RALYL: variants seen among roughly 807,000 people sequenced by gnomAD.
RALYL encodes the protein RNA-binding Raly-like protein.
A neutral mutation model predicts 35.1 loss-of-function variants in RALYL; 29 were observed. The observed-to-expected ratio is 0.83, with a 90% CI of 0.61 to 1.13. The LOEUF (loss-of-function observed/expected upper bound fraction) is 1.13, where lower values mean the gene tolerates loss of function less well. RALYL is among the 50% of genes most tolerant of loss of function. RALYL has a pLI of 0.00. For missense variants in RALYL, 359 were observed against 360.4 expected, an observed-to-expected ratio of 1.00 and a Z score of 0.03; for synonymous variants, 120 against 127.6, an observed-to-expected ratio of 0.94 and a Z score of 0.40.
intron 3 of RALYL, among the ~76,000 whole-genome samples, chr8:84,784,697 G>C (rs981367552): frequency 3.9e-5 from 6 of 151,958 alleles, no homozygotes; most frequent in African/African-American, 1.5e-4. Flanking sequence ...TAAACTGTTT[G>C]GTGTCTTTGT....
At chr8:84,682,059 G>A (rs1286363502) in intron 2 of RALYL, among the ~76,000 whole-genome samples, 2 of 152,078 alleles carry the variant, frequency 1.3e-5, no homozygotes, top group Admixed American at 6.6e-5. Flanking sequence ...AGGGCTGTTG[G>A]ATTTTGTCAA....
chr8:84,222,648 T>C (rs1484086822), intron 1 of RALYL, among the ~76,000 whole-genome samples: 6 of 152,150 alleles, frequency 3.9e-5, no homozygotes, highest in Middle Eastern at 3.2e-3. Context: ...CACTATTCTA[T>C]GGGATTAGGA....
intron 2 of RALYL, among the ~76,000 whole-genome samples, chr8:84,684,924 C>A (rs1836434772): frequency 6.6e-6 from 1 of 152,120 alleles, no homozygotes; most frequent in African/African-American, 2.4e-5. Flanking sequence ...CATCCAGGGG[C>A]TGGCAAAGCA....
At chr8:84,303,617 G>C (rs181855298) in intron 1 of RALYL, among the ~76,000 whole-genome samples, 2 of 152,184 alleles carry the variant, frequency 1.3e-5, no homozygotes, top group Admixed American at 6.5e-5. Flanking sequence ...ATTTAAAACA[G>C]AAATGTGTGA....
intron 4 of RALYL, among the ~76,000 whole-genome samples, chr8:84,826,940 T>G (rs1441846084): frequency 6.6e-6 from 1 of 152,048 alleles, no homozygotes; most frequent in Admixed American, 6.5e-5. Context: ...AGGGGAAATA[T>G]AGAGAGTACA....
At chr8:84,220,017 C>G (rs1821806183) in intron 1 of RALYL, among the ~76,000 whole-genome samples, 1 of 151,946 alleles carries the variant, frequency 6.6e-6, no homozygotes, top group East Asian at 1.9e-4. Flanking sequence ...TGCCTGATGT[C>G]CCTAATTTAG....
intron 1 of RALYL, among the ~76,000 whole-genome samples, chr8:84,466,813 T>A (rs2051745985): frequency 6.6e-6 from 1 of 151,688 alleles, no homozygotes; most frequent in Non-Finnish European, 1.5e-5. Context: ...ATTGCCACAA[T>A]TTCAGCTCCT....
chr8:84,457,100 T>G (rs1161886565), intron 1 of RALYL, among the ~76,000 whole-genome samples: 1 of 151,970 alleles, frequency 6.6e-6, no homozygotes, highest in Non-Finnish European at 1.5e-5. Context: ...CAAGCACAAC[T>G]GTAACACTTC....
intron 2 of RALYL, among the ~76,000 whole-genome samples, chr8:84,633,307 G>A (rs1162825436): frequency 6.6e-6 from 1 of 151,678 alleles, no homozygotes; most frequent in Non-Finnish European, 1.5e-5. Flanking sequence ...TTGGACAGTA[G>A]GAGATAACTA....
intron 2 of RALYL, among the ~76,000 whole-genome samples, chr8:84,621,555 T>C (rs574641291): frequency 6.9e-4 from 105 of 152,022 alleles, no homozygotes; most frequent in African/African-American, 2.3e-3. Flanking sequence ...ATCACCTGTC[T>C]TCGGCGTCGC....
intron 2 of RALYL, among the ~76,000 whole-genome samples, chr8:84,747,753 T>G (rs1356437360): frequency 6.6e-6 from 1 of 152,006 alleles, no homozygotes; most frequent in African/African-American, 2.4e-5. Context: ...TTTGTTAATT[T>G]TTTCAAGGTT....
chr8:84,600,909 T>C lies in RALYL; in HGVS notation c.256+71332T>C, dbSNP rs148150487. ...ATGTGTTTCTGTTCAATGATTTCCA[T>C]CATGATGCTATTGGTTATCAACAAT... On this transcript the variant is annotated intron_variant, in intron 2 of 8. Transcript: ENST00000521268. 9.5e-3 allele frequency among the ~76,000 whole-genome samples: 1,451 copies of C among 152,190 alleles called. 9 individuals carry two copies. Among genetic ancestry groups the C allele is most frequent in the Non-Finnish European group, 0.012 (783 of 67,996 alleles).
At chr8:84,334,163 T>C (rs1036792772) in intron 1 of RALYL, among the ~76,000 whole-genome samples, 2 of 152,142 alleles carry the variant, frequency 1.3e-5, no homozygotes, top group Non-Finnish European at 2.9e-5. Context: ...GGATTATAGG[T>C]GTGAGCCACC....
chr8:84,791,930 G>A (rs1820878439), intron 3 of RALYL, among the ~76,000 whole-genome samples: 1 of 152,168 alleles, frequency 6.6e-6, no homozygotes, highest in Non-Finnish European at 1.5e-5. Flanking sequence ...GATGTGACAG[G>A]GTGTGTCTCC....
chr8:84,777,613 G>A (rs184356850), intron 3 of RALYL, among the ~76,000 whole-genome samples: 92 of 152,164 alleles, frequency 6.0e-4, no homozygotes, highest in Non-Finnish European at 1.2e-3. Context: ...CCTGTTCTTT[G>A]CATCTCTGAG....
At chr8:84,374,265 G>A (rs1438973945) in intron 1 of RALYL, among the ~76,000 whole-genome samples, 1 of 151,958 alleles carries the variant, frequency 6.6e-6, no homozygotes, top group Non-Finnish European at 1.5e-5. Flanking sequence ...TGATGACAAA[G>A]GGCATCCTTG....
At chr8:84,506,232 A>G (rs2057153976) in intron 1 of RALYL, among the ~76,000 whole-genome samples, 1 of 152,112 alleles carries the variant, frequency 6.6e-6, no homozygotes, top group African/African-American at 2.4e-5. Flanking sequence ...AGAAAGTGAT[A>G]CCATTATCCC....
chr8:84,524,063 T>C (rs2058690686), intron 1 of RALYL, among the ~76,000 whole-genome samples: 1 of 152,112 alleles, frequency 6.6e-6, no homozygotes, highest in South Asian at 2.1e-4. Context: ...ATGGTATTTC[T>C]AGTTCTAGAT....
chr8:84,202,604 C>T (rs1037333464), intron 1 of RALYL, among the ~76,000 whole-genome samples: 2 of 151,982 alleles, frequency 1.3e-5, no homozygotes, highest in Non-Finnish European at 2.9e-5. Context: ...GAATTCCTGA[C>T]TTTGTGATCC....
Sources: gnomAD v4.1 joint callset for allele counts (sites outside exome capture counted in the v4.1 genomes callset) on GRCh38, gnomAD v4.1.1 for gene constraint, MANE v1.5 for transcripts, NCBI Gene and HGNC (gene_info 2026-07-23, HGNC 2026-07-21) for gene names.